NRK: variants seen among roughly 807,000 people sequenced by gnomAD.
NRK encodes Nik related kinase.
In NRK, 67 loss-of-function variants were observed where a neutral mutation model predicts 125.2. The ratio of observed to expected loss-of-function variants is 0.54; its 90% CI spans 0.44 to 0.66. NRK has a LOEUF of 0.66. NRK is among the 30% of genes least tolerant of loss of function. The pLI is 0.00. For synonymous variants in NRK, 458 were observed against 429.0 expected (o/e 1.07, Z -0.84); for missense variants, 1,224 against 1,192.9 (o/e 1.03, Z -0.38).
chrX:105,899,946 C>A (rs758393332), intron 8 of NRK, among the ~76,000 whole-genome samples: 1 of 109,110 alleles, frequency 9.2e-6, no homozygotes, highest in East Asian at 2.9e-4. Flanking sequence ...CCAGCCTGGG[C>A]GACAGAGTGA....
intron 4 of NRK, among the ~76,000 whole-genome samples, chrX:105,886,787 G>A (rs908502011): frequency 5.5e-5 from 6 of 109,105 alleles, no homozygotes; most frequent in Non-Finnish European, 1.1e-4. Context: ...AATAAAATGT[G>A]AAAAAATAAT....
intron 7 of NRK, among the ~76,000 whole-genome samples, chrX:105,896,082 C>A (rs933635935): frequency 8.9e-6 from 1 of 111,872 alleles, no homozygotes; most frequent in Non-Finnish European, 1.9e-5. Context: ...AAGTACCTAG[C>A]TTTCTATGCC....
At chrX:105,876,078 A>C (rs1027213067) in intron 2 of NRK, among the ~76,000 whole-genome samples, 2 of 110,749 alleles carry the variant, frequency 1.8e-5, no homozygotes, top group African/African-American at 6.5e-5. Flanking sequence ...GAACTCATAG[A>C]AGCAGAGAGT....
intron 2 of NRK, among the ~76,000 whole-genome samples, chrX:105,847,222 ACT>A (rs2039414993): frequency 9.0e-6 from 1 of 111,711 alleles, no homozygotes; most frequent in Admixed American, 9.5e-5. Flanking sequence ...AATGTCTACA[ACT>A]CTCCCAGTTC....
intron 6 of NRK, among the ~76,000 whole-genome samples, chrX:105,894,363 C>T (rs1410060737): frequency 8.9e-6 from 1 of 112,158 alleles, no homozygotes; most frequent in Non-Finnish European, 1.9e-5. Context: ...GGCAGACAAA[C>T]ATTTTCTTTG....
rs190573351 is a variant in NRK at position 105,917,042 on chromosome X, C to T, written c.2418-536C>T. 3.9e-3 allele frequency among the ~76,000 whole-genome samples: 433 copies of T among 110,835 alleles called. 3 individuals are homozygous for T. The highest frequency in any genetic ancestry group is 0.013 in the African/African-American group (412 of 30,717). On this transcript the variant is annotated intron_variant, in intron 15 of 28. Transcript: ENST00000243300. ...ACTGTAAAATTTAGCAGCATTAGTCCAAAGAAACTCTCTAAATATTCTTTA... is the reference window on the plus strand; with the variant it reads ...ACTGTAAAATTTAGCAGCATTAGTCTAAAGAAACTCTCTAAATATTCTTTA...
At chrX:105,949,450 A>G (rs2040861606) in intron 26 of NRK, 125 bp from the exon 27 acceptor site, 2 of 421,129 alleles carry the variant, frequency 4.7e-6, no homozygotes, top group Non-Finnish European at 8.3e-6. Context: ...CTTTGGAAAT[A>G]GAGGTTTCTC....
rs773388396 is a variant in NRK, at chrX:105,924,999, C to T, written c.3280C>T (p.Pro1094Ser). ...SETDGPGLKR[P>S]ASQDFEYLQE... The stretch of plus-strand genomic sequence containing the variant: ...GACAGATGGTCCAGGATTGAAGAGA[C>T]CTGCGTCTCAGGACTTTGAATATCT... The change falls in exon 19 of 29, where the codon CCT (proline) becomes TCT (serine). Residue 1094 changes from proline to serine, a missense_variant. Physicochemically the swap from Pro to Ser is moderately conservative, Grantham distance 74. Transcript: ENST00000243300. 1.9e-5 allele frequency: 23 copies of T among 1,207,344 alleles called. No individual in the cohort carries two copies. The highest frequency in any genetic ancestry group is 2.5e-5 in the Non-Finnish European group (22 of 893,102).
intron 2 of NRK, among the ~76,000 whole-genome samples, chrX:105,857,816 ACT>A (rs2039550449): frequency 9.0e-6 from 1 of 111,591 alleles, no homozygotes; most frequent in Admixed American, 9.5e-5. Flanking sequence ...GTTAAAACTA[ACT>A]CTGCAAAATG....
rs546312092 is a variant in NRK, at chrX:105,870,806, G to A, written c.124-9393G>A. 3.6e-4 allele frequency among the ~76,000 whole-genome samples: 40 copies of A among 111,598 alleles called. No homozygotes were observed. The South Asian group carries it at 0.015, about 41-fold the overall frequency. ...ACTGAAACTACGAAGGCTGTCTTCT[G>A]ACTCCTTTCACAGTTCTAATAAGCA... is the stretch of plus-strand genomic sequence containing the variant. On this transcript the variant is annotated intron_variant, in intron 2 of 28. Transcript: ENST00000243300.
intron 1 of NRK, 65 bp from the exon 2 acceptor site, chrX:105,830,989 A>G (rs1198380191): frequency 1.2e-5 from 8 of 668,114 alleles, no homozygotes; most frequent in Non-Finnish European, 1.7e-5. Flanking sequence ...TATTAAAAAA[A>G]AGATAGTTGA....
At chrX:105,917,813 G>A in intron 16 of NRK, 141 bp downstream of exon 16, 1 of 372,244 alleles carries the variant, frequency 2.7e-6, no homozygotes, top group South Asian at 6.5e-5. Flanking sequence ...AGGACCTGAA[G>A]GCCATTGTAT....
Position 105,909,714 on chromosome X carries a change from G to T in NRK, c.2073G>T (p.Leu691=). The T allele has an allele frequency of 8.4e-7, 1 of 1,184,563 alleles. No homozygotes were observed. Among genetic ancestry groups the T allele is most frequent in the Non-Finnish European group, 1.1e-6 (1 of 881,073 alleles). The change falls in exon 13 of 29, where the codon CTG becomes CTT. Residue 691 remains leucine (L), a synonymous_variant. Coordinates refer to ENST00000243300, the MANE Select transcript of NRK (RefSeq NM_198465.4). ...AREKKSKVST[L]RQALAKRLSP... ...AGAAAAAATCAAAAGTTTCTACTCTGAGGCAAGCACTGGCAAAAAGACTAT... is the reference window on the plus strand; with the variant it reads ...AGAAAAAATCAAAAGTTTCTACTCTTAGGCAAGCACTGGCAAAAAGACTAT...
At chrX:105,906,349 G>A (rs1387484837) in intron 10 of NRK, 65 bp from the exon 11 acceptor site, 27 of 518,287 alleles carry the variant, frequency 5.2e-5, no homozygotes, top group Non-Finnish European at 6.5e-5. Context: ...CATGTGGGTG[G>A]TGGTGGGAAG....
chrX:105,867,996 G>A (rs923064449), intron 2 of NRK, among the ~76,000 whole-genome samples: 8 of 111,178 alleles, frequency 7.2e-5, no homozygotes, highest in Admixed American at 1.9e-4. Context: ...TTGCCACATT[G>A]TCTCTTGCAT....
intron 2 of NRK, among the ~76,000 whole-genome samples, chrX:105,864,442 T>G (rs767330262): frequency 1.8e-5 from 2 of 111,754 alleles, no homozygotes; most frequent in Non-Finnish European, 3.8e-5. Context: ...GAACAAACTC[T>G]GAAATAATCA....
At chrX:105,851,300 T>C (rs138452783) in intron 2 of NRK, among the ~76,000 whole-genome samples, 4,508 of 112,440 alleles carry the variant, frequency 0.04, 131 homozygotes, top group Admixed American at 0.14. Context: ...TGAGATTCTA[T>C]GTGTAAACTA....
chrX:105,890,475 G>C (rs957510984), intron 5 of NRK, among the ~76,000 whole-genome samples: 1 of 111,979 alleles, frequency 8.9e-6, no homozygotes. Flanking sequence ...GTATTAGTCT[G>C]TTCTCACGCT....
At chrX:105,932,779 G>A (rs757931157) in intron 19 of NRK, among the ~76,000 whole-genome samples, 2 of 111,165 alleles carry the variant, frequency 1.8e-5, no homozygotes, top group South Asian at 7.7e-4. Flanking sequence ...TCTCTGCTTG[G>A]TAAATTAGTA....
Sources: gnomAD v4.1 joint callset for allele counts (sites outside exome capture counted in the v4.1 genomes callset) on GRCh38, gnomAD v4.1.1 for gene constraint, MANE v1.5 for transcripts, NCBI Gene and HGNC (gene_info 2026-07-23, HGNC 2026-07-21) for gene names.